ACBD3: variants seen among roughly 807,000 people sequenced by gnomAD.
ACBD3 encodes acyl-CoA binding domain containing 3.
ACBD3 carries 30 observed loss-of-function variants against 66.9 expected under a neutral mutation model. The ratio of observed to expected loss-of-function variants is 0.45; its 90% confidence interval spans 0.34 to 0.61. The LOEUF is 0.61. Ranked by LOEUF, ACBD3 falls within the 20% of genes least tolerant of loss-of-function variation. The probability of loss-of-function intolerance (pLI) is 0.02; values close to 1 mark genes in which losing one functional copy is unlikely to be tolerated. For missense variants in ACBD3, 544 were observed against 664.5 expected (o/e 0.82, Z 1.99); for synonymous variants, 278 against 259.8 (o/e 1.07, Z -0.68).
chr1:226,175,091 C>CAAAAAAAAAAAAA (rs35201518), intron 1 of ACBD3, among the ~76,000 whole-genome samples: 3 of 75,996 alleles, frequency 3.9e-5, no homozygotes, highest in East Asian at 3.5e-4. Flanking sequence ...GACTCCATCT[C>CAAAAAAAAAAAAA]AAAAAAAAAA....
intron 1 of ACBD3, among the ~76,000 whole-genome samples, chr1:226,170,272 CT>C (rs1233959618): frequency 2.0e-5 from 3 of 150,198 alleles, no homozygotes; most frequent in African/African-American, 7.3e-5. Flanking sequence ...ATTCTCCTGC[CT>C]CAGCCTCCCG....
intron 6 of ACBD3, among the ~76,000 whole-genome samples, chr1:226,153,816 TG>T (rs1659621283): frequency 6.6e-6 from 1 of 152,224 alleles, no homozygotes; most frequent in African/African-American, 2.4e-5. Context: ...TTCTCACCTC[TG>T]GGTCTTCATG....
At chr1:226,176,750 A>G (rs1390227477) in intron 1 of ACBD3, among the ~76,000 whole-genome samples, 1 of 152,212 alleles carries the variant, frequency 6.6e-6, no homozygotes, top group Non-Finnish European at 1.5e-5. Flanking sequence ...ATATACATGA[A>G]GAAAAAAATG....
chr1:226,186,407 G>C lies in ACBD3; in HGVS notation c.269C>G (p.Ala90Gly), dbSNP rs1656309784. ...CGGCTCACCTTTGAAGAAGCGCAGT[G>C]CCAGGCCGTACAACTCCTCCAGGCC... is the stretch of plus-strand genomic sequence containing the variant. ...GFGLEELYGL[A>G]LRFFKEKDGK... Residue 90 changes from alanine (A) to glycine (G), a missense_variant, in exon 1 of 8, where the codon GCA (alanine) becomes GGA (glycine). By Grantham distance (60) the Ala-to-Gly change is moderately conservative (BLOSUM62 0). This residue lies in a region of ACBD3 where 137 missense variants were observed against 145.9 expected (regional missense o/e 0.94). Transcript: ENST00000366812. 1 of 1,523,060 alleles carries C rather than the reference G, an allele frequency of 6.6e-7. No homozygotes were observed. The highest frequency in any genetic ancestry group is 1.4e-5 in the African/African-American group (1 of 69,330). The allele number at this position is 1,523,060 out of a possible 1,614,324, so 94.3% of individuals were successfully genotyped here.
At position 226,145,415 on chromosome 1, in the gene ACBD3, C is replaced by CTA. The variant is rs1405425562; in HGVS notation, c.*1193_*1194dup. On this transcript the variant is annotated 3_prime_UTR_variant, in exon 8 of 8. Transcript: ENST00000366812. ...TATTGCCATCTTTGTCATTTTCTAT[C>CTA]TATACCACTCTCCCTTCTGAAAACA... 34 of 152,392 alleles carry CTA rather than the reference C, an allele frequency of 2.2e-4. No homozygotes were observed. The highest frequency in any genetic ancestry group is 2.2e-3 in the Admixed American group (34 of 15,270). The allele number at this position is 152,392 out of a possible 1,614,324, so 9.4% of individuals were successfully genotyped here. A position where few individuals can be genotyped will look rare whatever the true frequency, so the allele number is the denominator to read the frequency against.
At chr1:226,182,741 C>T (rs187416768) in intron 1 of ACBD3, among the ~76,000 whole-genome samples, 3 of 152,342 alleles carry the variant, frequency 2.0e-5, no homozygotes, top group East Asian at 1.9e-4. Flanking sequence ...CTTCTCATGG[C>T]TTTCATGGCT....
chr1:226,164,797 T>TG lies in ACBD3; in HGVS notation c.560_561insC (p.Glu187AspfsTer14), dbSNP rs111701159. 1 of 1,606,698 alleles carries TG rather than the reference T, an allele frequency of 6.2e-7. No individual in the cohort carries two copies. The highest frequency in any genetic ancestry group is 1.3e-5 in the African/African-American group (1 of 74,684). ...ATGCCCTCAAACTTCACCTTTTTTTTTCTTGCTCTTCCTTCTCTATTTTGT... is the reference window on the plus strand; with the variant it reads ...ATGCCCTCAAACTTCACCTTTTTTTTGTCTTGCTCTTCCTTCTCTATTTTGT... On this transcript the variant is annotated frameshift_variant, in exon 3 of 8. Coordinates refer to ENST00000366812, the MANE Select transcript of ACBD3 (RefSeq NM_022735.4). LOFTEE classifies it high-confidence loss of function.
intron 7 of ACBD3, among the ~76,000 whole-genome samples, chr1:226,152,003 T>C (rs1659582634): frequency 6.6e-6 from 1 of 150,810 alleles, no homozygotes; most frequent in Non-Finnish European, 1.5e-5. Context: ...TGAGACTCTG[T>C]CTCAAAAAAA....
At chr1:226,179,026 G>C (rs192819201) in intron 1 of ACBD3, among the ~76,000 whole-genome samples, 128 of 152,284 alleles carry the variant, frequency 8.4e-4, no homozygotes, top group African/African-American at 2.9e-3. Flanking sequence ...TATTGTGTTT[G>C]CCCTGAGTTC....
At chr1:226,159,134 T>A in intron 5 of ACBD3, 50 bp downstream of exon 5, 1 of 1,582,912 alleles carries the variant, frequency 6.3e-7, no homozygotes, top group Non-Finnish European at 8.6e-7. Flanking sequence ...TGGGTTCCAA[T>A]GAAACTAAAA....
intron 1 of ACBD3, among the ~76,000 whole-genome samples, chr1:226,176,443 A>AC (rs1473196451): frequency 1.3e-4 from 19 of 151,716 alleles, no homozygotes; most frequent in Non-Finnish European, 2.2e-4. Context: ...AAAAAAAAAA[A>AC]AAAAAAGCTT....
intron 7 of ACBD3, among the ~76,000 whole-genome samples, chr1:226,148,811 T>C (rs1366817286): frequency 6.6e-6 from 1 of 152,224 alleles, no homozygotes; most frequent in African/African-American, 2.4e-5. Flanking sequence ...GGACAGTAGC[T>C]TCTAAGGCAT....
chr1:226,182,868 T>A (rs977686630), intron 1 of ACBD3, among the ~76,000 whole-genome samples: 3 of 152,206 alleles, frequency 2.0e-5, no homozygotes, highest in Non-Finnish European at 4.4e-5. Context: ...AACGTACTAT[T>A]CATTTATAGT....
chr1:226,148,938 G>A (rs1044122110), intron 7 of ACBD3, among the ~76,000 whole-genome samples: 1 of 152,204 alleles, frequency 6.6e-6, no homozygotes, highest in African/African-American at 2.4e-5. Flanking sequence ...TGTTTTAGCT[G>A]CAAATCATTT....
chr1:226,161,659 T>C lies in ACBD3; in HGVS notation c.600A>G (p.Glu200=). Residue 200 remains glutamate, a synonymous_variant, in exon 4 of 8, where the codon GAA becomes GAG. Transcript: ENST00000366812. ...TTTGCAGACGTTCTCTTTCTTCCTC[T>C]TCACGCCGCCTTCGCTCCTCTTCCT... The part of the protein sequence containing the change: ...RKEEEERRRR[E]EEERERLQKE... 1 of 1,608,524 alleles carries C rather than the reference T, an allele frequency of 6.2e-7. No individual in the cohort carries two copies.
chr1:226,162,667 A>G lies in ACBD3; in HGVS notation c.570-978T>C, dbSNP rs547767467. Among the ~76,000 whole-genome samples the G allele has an allele frequency of 1.0e-3, 155 of 152,248 alleles. 1 individual carries two copies. The highest frequency in any genetic ancestry group is 1.6e-3 in the Non-Finnish European group (106 of 68,010). On this transcript the variant is annotated intron_variant, in intron 3 of 7. Transcript: ENST00000366812. ...GGAAGATTTCTAAGGAGTATCAGAT[A>G]AGACACTATTTCATAAACCTACCAC...
At chr1:226,151,680 G>A (rs1659574680) in intron 7 of ACBD3, among the ~76,000 whole-genome samples, 1 of 152,150 alleles carries the variant, frequency 6.6e-6, no homozygotes, top group Non-Finnish European at 1.5e-5. Flanking sequence ...ATAAATGCCA[G>A]GGTTGACAGG....
At chr1:226,154,419 C>G (rs1659634156) in intron 6 of ACBD3, among the ~76,000 whole-genome samples, 1 of 151,946 alleles carries the variant, frequency 6.6e-6, no homozygotes, top group Non-Finnish European at 1.5e-5. Flanking sequence ...ATATATATGA[C>G]AAAACATAAC....
At chr1:226,170,020 C>CAAAAAAAAAAAA (rs771896387) in intron 1 of ACBD3, among the ~76,000 whole-genome samples, 1 of 74,948 alleles carries the variant, frequency 1.3e-5, no homozygotes, top group African/African-American at 5.6e-5. Flanking sequence ...GATTCCATCT[C>CAAAAAAAAAAAA]AAAAAAAAAA....
Sources: gnomAD v4.1 joint callset for allele counts (sites outside exome capture counted in the v4.1 genomes callset) on GRCh38, gnomAD v4.1.1 for gene constraint, gnomAD v4.1.1 regional missense constraint, MANE v1.5 for transcripts, NCBI Gene and HGNC (gene_info 2026-07-23, HGNC 2026-07-21) for gene names.